The following NPAS3 variants were observed in gnomAD, a reference collection of about 807,000 sequenced individuals.
NPAS3 encodes neuronal PAS domain protein 3.
Under a neutral mutation model 73.1 loss-of-function variants are expected in NPAS3, and 14 were observed. That is an observed-to-expected ratio of 0.19 (90% confidence interval 0.13 to 0.30). NPAS3 has a LOEUF of 0.30. NPAS3 is among the 10% of genes least tolerant of loss of function. NPAS3 has a pLI of 1.00. For missense variants in NPAS3, 1,096 were observed against 1,250.0 expected (o/e 0.88, Z 1.86); for synonymous variants, 620 against 541.5 (o/e 1.14, Z -2.01).
intron 3 of NPAS3, among the ~76,000 whole-genome samples, chr14:33,228,571 A>G (rs1404497310): frequency 6.6e-6 from 1 of 152,106 alleles, no homozygotes; most frequent in African/African-American, 2.4e-5. Flanking sequence ...GGGATCCGAA[A>G]TGGGTTATTT....
chr14:33,613,632 C>T (rs1454474896), intron 5 of NPAS3, among the ~76,000 whole-genome samples: 2 of 152,132 alleles, frequency 1.3e-5, no homozygotes, highest in South Asian at 2.1e-4. Context: ...GCCTCAGTGG[C>T]TTCCACTGCA....
intron 3 of NPAS3, among the ~76,000 whole-genome samples, chr14:33,314,378 T>C (rs944299365): frequency 2.0e-5 from 3 of 152,062 alleles, no homozygotes; most frequent in Non-Finnish European, 4.4e-5. Context: ...ACTAGGTATG[T>C]GACCTTGAGT....
At chr14:33,469,686 C>G (rs900067144) in intron 4 of NPAS3, among the ~76,000 whole-genome samples, 1 of 152,070 alleles carries the variant, frequency 6.6e-6, no homozygotes, top group African/African-American at 2.4e-5. Context: ...TGTTGATAAC[C>G]CTCGGTGCAG....
intron 6 of NPAS3, among the ~76,000 whole-genome samples, chr14:33,697,726 A>G (rs190041324): frequency 6.6e-6 from 1 of 152,238 alleles, no homozygotes; most frequent in African/African-American, 2.4e-5. Context: ...AGAATTATAC[A>G]TTCATGTATC....
At chr14:33,467,551 G>C (rs1205939611) in intron 4 of NPAS3, among the ~76,000 whole-genome samples, 1 of 152,170 alleles carries the variant, frequency 6.6e-6, no homozygotes, top group Non-Finnish European at 1.5e-5. Context: ...TGAAAGAAAA[G>C]AGAAACATGA....
At chr14:33,058,072 A>G (rs913706808) in intron 2 of NPAS3, among the ~76,000 whole-genome samples, 1 of 151,920 alleles carries the variant, frequency 6.6e-6, no homozygotes, top group African/African-American at 2.4e-5. Context: ...CTATATATTT[A>G]TTACTCATCA....
At chr14:33,221,215 G>A (rs996486373) in intron 3 of NPAS3, among the ~76,000 whole-genome samples, 7 of 152,132 alleles carry the variant, frequency 4.6e-5, no homozygotes, top group East Asian at 3.9e-4. Flanking sequence ...ACAAAAACAA[G>A]CAATGTCTCT....
intron 5 of NPAS3, among the ~76,000 whole-genome samples, chr14:33,604,333 T>G (rs1036372896): frequency 6.6e-6 from 1 of 152,078 alleles, no homozygotes; most frequent in Non-Finnish European, 1.5e-5. Flanking sequence ...AAAACTGTAC[T>G]GTGTTAGCAC....
chr14:33,560,285 G>T (rs1212025506), intron 5 of NPAS3, 75 bp downstream of exon 5: 1 of 728,340 alleles, frequency 1.4e-6, no homozygotes, highest in Non-Finnish European at 2.5e-6. Context: ...CTTCTTCAAG[G>T]AATATTCTGT....
intron 2 of NPAS3, among the ~76,000 whole-genome samples, chr14:33,146,837 G>T (rs775276574): frequency 6.6e-6 from 1 of 152,154 alleles, no homozygotes; most frequent in Admixed American, 6.5e-5. Flanking sequence ...GCCATGACTC[G>T]ATCAGGGAAG....
chr14:33,286,664 G>A (rs1335289764), intron 3 of NPAS3, among the ~76,000 whole-genome samples: 1 of 151,716 alleles, frequency 6.6e-6, no homozygotes, highest in East Asian at 1.9e-4. Context: ...GCTTTTCTTG[G>A]CACTTTTTTT....
chr14:33,142,436 A>G (rs947022589), intron 2 of NPAS3, among the ~76,000 whole-genome samples: 7 of 151,932 alleles, frequency 4.6e-5, no homozygotes, highest in African/African-American at 1.4e-4. Context: ...AACTGAACAT[A>G]CTGAATGATT....
intron 4 of NPAS3, among the ~76,000 whole-genome samples, chr14:33,451,936 T>C (rs7159000): frequency 0.88 from 133,799 of 152,194 alleles, 58,993 homozygotes; most frequent in East Asian, 0.98. Context: ...GTATGGGCTT[T>C]GATTTCAGGT....
chr14:33,238,150 T>TACATGA (rs1454206552), intron 3 of NPAS3, among the ~76,000 whole-genome samples: 1 of 151,924 alleles, frequency 6.6e-6, no homozygotes, highest in East Asian at 1.9e-4. Flanking sequence ...AGCTAAGAAA[T>TACATGA]ACATGACATT....
chr14:33,729,705 C>G (rs2061355640), intron 6 of NPAS3, among the ~76,000 whole-genome samples: 1 of 152,130 alleles, frequency 6.6e-6, no homozygotes, highest in South Asian at 2.1e-4. Flanking sequence ...GTGAATGACC[C>G]AAGAGAGCAA....
At chr14:33,801,163 C>A, downstream of NPAS3, 2 of 1,532,526 alleles carry the variant, frequency 1.3e-6, no homozygotes, top group South Asian at 1.2e-5. Context: ...GCATCGTCGG[C>A]ATTTTCGTTT....
At chr14:33,092,774 T>C (rs964873963) in intron 2 of NPAS3, among the ~76,000 whole-genome samples, 8 of 152,114 alleles carry the variant, frequency 5.3e-5, no homozygotes, top group African/African-American at 1.9e-4. Flanking sequence ...AACAGAGATC[T>C]AGACCAATGG....
chr14:33,541,703 G>C (rs778159470), intron 4 of NPAS3, among the ~76,000 whole-genome samples: 2 of 152,174 alleles, frequency 1.3e-5, no homozygotes, highest in East Asian at 1.9e-4. Flanking sequence ...TGGAATGAAA[G>C]GGCTATCTGT....
intron 1 of NPAS3, among the ~76,000 whole-genome samples, chr14:33,013,873 T>C (rs1217114651): frequency 6.6e-6 from 1 of 152,196 alleles, no homozygotes; most frequent in African/African-American, 2.4e-5. Flanking sequence ...AATATGCATT[T>C]AAATTTGGAT....
Sources: gnomAD v4.1 joint callset for allele counts (sites outside exome capture counted in the v4.1 genomes callset) on GRCh38, gnomAD v4.1.1 for gene constraint, MANE v1.5 for transcripts, NCBI Gene and HGNC (gene_info 2026-07-23, HGNC 2026-07-21) for gene names.